MACROD2: variants seen among roughly 807,000 people sequenced by gnomAD.
MACROD2 encodes the protein ADP-ribose glycohydrolase MACROD2.
In MACROD2, 36 loss-of-function variants were observed where a neutral mutation model predicts 70.4. The ratio of observed to expected loss-of-function variants is 0.51; its 90% CI spans 0.39 to 0.68. The LOEUF (loss-of-function observed/expected upper bound fraction) is 0.68, where lower values mean the gene tolerates loss of function less well. Ranked by LOEUF, MACROD2 falls within the 30% of genes least tolerant of loss-of-function variation. MACROD2 has a pLI of 0.00. For missense variants in MACROD2, 496 were observed against 538.4 expected (o/e 0.92, Z 0.78); for synonymous variants, 172 against 178.8 (o/e 0.96, Z 0.30).
At chr20:14,399,571 G>A (rs950122305) in intron 3 of MACROD2, among the ~76,000 whole-genome samples, 8 of 152,014 alleles carry the variant, frequency 5.3e-5, no homozygotes, top group African/African-American at 1.4e-4. Context: ...TGTGCTTGTC[G>A]TTCTTGAATT....
chr20:15,660,939 C>G (rs2049813083), intron 8 of MACROD2, among the ~76,000 whole-genome samples: 1 of 152,006 alleles, frequency 6.6e-6, no homozygotes, highest in East Asian at 1.9e-4. Context: ...TTTTTCAAAA[C>G]AAAGTTTTGA....
chr20:14,430,644 G>GT (rs1482556631), intron 3 of MACROD2, among the ~76,000 whole-genome samples: 1 of 152,156 alleles, frequency 6.6e-6, no homozygotes, highest in Non-Finnish European at 1.5e-5. Flanking sequence ...CTGTACAACA[G>GT]TCTTTCTCCC....
At chr20:14,707,903 A>G (rs1219233878) in intron 5 of MACROD2, among the ~76,000 whole-genome samples, 1 of 152,208 alleles carries the variant, frequency 6.6e-6, no homozygotes, top group African/African-American at 2.4e-5. Context: ...ACTCATATTT[A>G]TAATAGTTAG....
intron 10 of MACROD2, among the ~76,000 whole-genome samples, chr20:15,891,445 G>A (rs1240406047): frequency 1.3e-5 from 2 of 152,206 alleles, no homozygotes; most frequent in South Asian, 2.1e-4. Flanking sequence ...ATGTGATCTG[G>A]TTTATGTTTC....
chr20:14,616,303 G>C (rs984885227), intron 4 of MACROD2, among the ~76,000 whole-genome samples: 6 of 152,032 alleles, frequency 3.9e-5, no homozygotes, highest in Admixed American at 3.9e-4. Flanking sequence ...TCACTTTCTA[G>C]CCATCCCTTC....
At chr20:15,281,067 A>G (rs1568689527) in intron 6 of MACROD2, among the ~76,000 whole-genome samples, 1 of 152,226 alleles carries the variant, frequency 6.6e-6, no homozygotes. Context: ...CAAGAGAAAC[A>G]CTAGACGCTT....
At chr20:15,444,004 G>T (rs1217829183) in intron 7 of MACROD2, among the ~76,000 whole-genome samples, 2 of 152,146 alleles carry the variant, frequency 1.3e-5, no homozygotes, top group African/African-American at 2.4e-5. Flanking sequence ...AATTCACAGA[G>T]TTGCACAACA....
intron 5 of MACROD2, among the ~76,000 whole-genome samples, chr20:14,814,699 G>A (rs1457888771): frequency 6.6e-6 from 1 of 151,848 alleles, no homozygotes; most frequent in Non-Finnish European, 1.5e-5. Flanking sequence ...CAGGTACATG[G>A]CTAATTTCTG....
intron 3 of MACROD2, among the ~76,000 whole-genome samples, chr20:14,275,326 G>A (rs1047158141): frequency 5.3e-5 from 8 of 152,022 alleles, no homozygotes; most frequent in African/African-American, 9.7e-5. Context: ...AAATAACGTC[G>A]CATATCTGCA....
At chr20:14,477,185 G>A (rs2084604513) in intron 3 of MACROD2, among the ~76,000 whole-genome samples, 1 of 152,170 alleles carries the variant, frequency 6.6e-6, no homozygotes, top group Non-Finnish European at 1.5e-5. Flanking sequence ...CACAAGCGAA[G>A]AGGGTACTAT....
At chr20:15,021,240 C>CGCACACG (rs2075175732) in intron 5 of MACROD2, among the ~76,000 whole-genome samples, 6 of 62,734 alleles carry the variant, frequency 9.6e-5, no homozygotes. Context: ...ATACACACAC[C>CGCACACG]TGTGTGTATG....
At chr20:15,007,019 T>C (rs1393464456) in intron 5 of MACROD2, among the ~76,000 whole-genome samples, 2 of 152,076 alleles carry the variant, frequency 1.3e-5, no homozygotes, top group East Asian at 1.9e-4. Context: ...AAAAAAATAC[T>C]GTCAAAGTAG....
intron 5 of MACROD2, among the ~76,000 whole-genome samples, chr20:14,696,943 A>G (rs904381665): frequency 1.3e-5 from 2 of 152,208 alleles, no homozygotes; most frequent in African/African-American, 4.8e-5. Context: ...TATTAAATAC[A>G]TATACATGTC....
chr20:14,856,832 C>T (rs2073260031), intron 5 of MACROD2, among the ~76,000 whole-genome samples: 1 of 152,022 alleles, frequency 6.6e-6, no homozygotes, highest in Non-Finnish European at 1.5e-5. Flanking sequence ...ACCATCATCA[C>T]CACAATTGTA....
Position 15,399,812 on chromosome 20 carries a change from C to A in MACROD2, c.541-31593C>A, listed in dbSNP as rs2045906184. ...TGACCATCTCACTATGTCATAGATG[C>A]ACTTCCTTAAGTTGAAAAGGCCTCC... On this transcript the variant is annotated intron_variant, in intron 6 of 17. Coordinates refer to ENST00000684519, the MANE Select transcript of MACROD2 (RefSeq NM_001351661.2). Among the ~76,000 whole-genome samples the A allele has an allele frequency of 2.6e-5, 4 of 152,184 alleles. No homozygotes were observed. The South Asian group carries it at 8.3e-4, about 32-fold the overall frequency.
intron 10 of MACROD2, among the ~76,000 whole-genome samples, chr20:15,889,302 T>G (rs550434167): frequency 3.0e-4 from 45 of 152,256 alleles, no homozygotes; most frequent in African/African-American, 1.1e-3. Flanking sequence ...GAGCCAGACT[T>G]TAATTGGGCA....
At chr20:15,607,466 G>A (rs144629151) in intron 8 of MACROD2, among the ~76,000 whole-genome samples, 2 of 152,244 alleles carry the variant, frequency 1.3e-5, no homozygotes, top group African/African-American at 4.8e-5. Flanking sequence ...GCTCTTAATG[G>A]TACTCTAAAT....
chr20:15,495,239 G>A (rs113574936), intron 7 of MACROD2, among the ~76,000 whole-genome samples: 136 of 152,110 alleles, frequency 8.9e-4, no homozygotes, highest in Non-Finnish European at 1.6e-3. Context: ...TCTATTCATT[G>A]GTCTTATTTA....
rs2075484552 is a variant in MACROD2, at chr20:15,056,223, A to T, written c.419-173717A>T. On this transcript the variant is annotated intron_variant, in intron 5 of 17. Coordinates refer to ENST00000684519, the MANE Select transcript of MACROD2 (RefSeq NM_001351661.2). Reference sequence around the variant, plus strand: ...CACTCTTCTCTCATGAAATTAGAGGAGCTGAGGGAGCTAAGCATTTCTAAA... The same window carrying T: ...CACTCTTCTCTCATGAAATTAGAGGTGCTGAGGGAGCTAAGCATTTCTAAA... 2.0e-5 allele frequency among the ~76,000 whole-genome samples: 3 copies of T among 152,166 alleles called. 1 individual carries two copies. The highest frequency in any genetic ancestry group is 2.0e-4 in the Admixed American group (3 of 15,278).
Sources: gnomAD v4.1 joint callset for allele counts (sites outside exome capture counted in the v4.1 genomes callset) on GRCh38, gnomAD v4.1.1 for gene constraint, MANE v1.5 for transcripts, NCBI Gene and HGNC (gene_info 2026-07-23, HGNC 2026-07-21) for gene names.